Variants in HGSNAT observed in about 807,000 individuals in gnomAD.
HGSNAT encodes the protein transmembrane protein 76.
In HGSNAT, 59 loss-of-function variants were observed where a neutral mutation model predicts 85.2. The ratio of observed to expected loss-of-function variants is 0.69; its 90% CI spans 0.56 to 0.86. The LOEUF is 0.86. Ranked by LOEUF, HGSNAT falls within the 40% of genes least tolerant of loss-of-function variation. The pLI is 0.00. For missense variants in HGSNAT, 756 were observed against 777.1 expected (o/e 0.97, Z 0.32); for synonymous variants, 321 against 304.5 (o/e 1.05, Z -0.56).
chr8:43,196,640 G>A, intron 14 of HGSNAT: 2 of 802,768 alleles, frequency 2.5e-6, no homozygotes, highest in Non-Finnish European at 3.8e-6. Context: ...CTCTGTGCCT[G>A]CTGCCCCATT....
intron 11 of HGSNAT, among the ~76,000 whole-genome samples, chr8:43,184,173 A>G (rs577040906): frequency 1.3e-5 from 2 of 152,204 alleles, no homozygotes; most frequent in African/African-American, 4.8e-5. Context: ...GCTGGGTCCA[A>G]TGGTATTTCT....
chr8:43,158,995 A>C lies in HGSNAT; in HGVS notation c.444A>C (p.Glu148Asp), dbSNP rs1399122628. 1 of 1,613,710 alleles carries C rather than the reference A, an allele frequency of 6.2e-7. No individual in the cohort carries two copies. The highest frequency in any genetic ancestry group is 1.3e-5 in the African/African-American group (1 of 75,028). Residue 148 changes from glutamate to aspartate, a missense_variant, in exon 4 of 18, where the codon GAA becomes GAC. Glu to Asp is a conservative substitution (Grantham distance 45). Transcript: ENST00000379644. ...AGAACATCCATAATGGAGTTAGTGA[A>C]ATTGCCTGTGACCTGGCTGTGAACG... ...LVKNIHNGVS[E>D]IACDLAVNED...
chr8:43,185,156 T>G (rs1586743519), intron 11 of HGSNAT, among the ~76,000 whole-genome samples: 1 of 152,240 alleles, frequency 6.6e-6, no homozygotes, highest in Non-Finnish European at 1.5e-5. Context: ...TAAAGTAGTT[T>G]TTTCCAATTC....
intron 14 of HGSNAT, among the ~76,000 whole-genome samples, chr8:43,194,827 T>C (rs1804653841): frequency 6.6e-6 from 1 of 152,220 alleles, no homozygotes; most frequent in Non-Finnish European, 1.5e-5. Context: ...TTGCCTCTTC[T>C]ACCATGTGAG....
At chr8:43,146,298 A>G (rs970099818) in intron 1 of HGSNAT, among the ~76,000 whole-genome samples, 2 of 152,190 alleles carry the variant, frequency 1.3e-5, no homozygotes, top group African/African-American at 2.4e-5. Flanking sequence ...AGTGATAGAA[A>G]GCAGCACTTC....
intron 12 of HGSNAT, 83 bp from the exon 13 acceptor site, chr8:43,192,221 C>G (rs1804558316): frequency 1.4e-6 from 2 of 1,476,712 alleles, no homozygotes; most frequent in Non-Finnish European, 1.8e-6. Context: ...AGCCACCGTG[C>G]CCGGCCTGAG....
chr8:43,182,269 C>T lies in HGSNAT; in HGVS notation c.1128+9C>T. The T allele has an allele frequency of 6.2e-7, 1 of 1,602,434 alleles. No individual in the cohort carries two copies. Among genetic ancestry groups the T allele is most frequent in the East Asian group, 2.2e-5 (1 of 44,788 alleles). On this transcript the variant is annotated intron_variant, in intron 11 of 17. Coordinates refer to ENST00000379644, the MANE Select transcript of HGSNAT (RefSeq NM_152419.3). ...CTGAACATTGTGCCTCGGTGAGAAA[C>T]CATGTTTTAATTAAGAAAAACTTTT...
chr8:43,161,393 T>C lies in HGSNAT; in HGVS notation c.494-45T>C, dbSNP rs371004825. Reference sequence around the variant, plus strand: ...AATGATGTGATGTCTTTGATGTTCATGATGACATTTTTGGGGGCTAATGTG... The same window carrying C: ...AATGATGTGATGTCTTTGATGTTCACGATGACATTTTTGGGGGCTAATGTG... On this transcript the variant is annotated intron_variant, in intron 4 of 17. Transcript: ENST00000379644. The C allele has an allele frequency of 2.0e-6, 3 of 1,470,620 alleles. No individual in the cohort carries two copies. The African/African-American group carries it at 4.2e-5, about 20-fold the overall frequency. The allele number at this position is 1,470,620 out of a possible 1,614,324, so 91.1% of individuals were successfully genotyped here. A position where few individuals can be genotyped will look rare whatever the true frequency, so the allele number is the denominator to read the frequency against.
intron 9 of HGSNAT, among the ~76,000 whole-genome samples, chr8:43,177,470 A>G (rs1443681033): frequency 6.6e-6 from 1 of 151,356 alleles, no homozygotes; most frequent in Non-Finnish European, 1.5e-5. Context: ...AGGTGGGAGA[A>G]TGGCGTGAAC....
chr8:43,188,567 C>A (rs1273651844), intron 11 of HGSNAT, among the ~76,000 whole-genome samples: 1 of 152,142 alleles, frequency 6.6e-6, no homozygotes, highest in Non-Finnish European at 1.5e-5. Context: ...AGGTTTTTAG[C>A]TTCTTTGAGA....
At chr8:43,143,072 T>C (rs1234799867) in intron 1 of HGSNAT, among the ~76,000 whole-genome samples, 2 of 151,846 alleles carry the variant, frequency 1.3e-5, no homozygotes, top group Non-Finnish European at 2.9e-5. Flanking sequence ...AGAAGGGAAA[T>C]GAAAAAGAAC....
At chr8:43,192,271 C>T (rs1423988609) in intron 12 of HGSNAT, 33 bp from the exon 13 acceptor site, 1 of 1,588,104 alleles carries the variant, frequency 6.3e-7, no homozygotes, top group Non-Finnish European at 8.6e-7. Context: ...CTTATGAGGT[C>T]TTGTCATTTA....
chr8:43,199,333 T>G, intron 17 of HGSNAT, 55 bp from the exon 18 acceptor site: 2 of 1,248,208 alleles, frequency 1.6e-6, no homozygotes, highest in Non-Finnish European at 2.3e-6. Flanking sequence ...AAATAGATGG[T>G]TAGATGTGAC....
At chr8:43,153,606 A>G (rs1802990720) in intron 2 of HGSNAT, among the ~76,000 whole-genome samples, 1 of 152,114 alleles carries the variant, frequency 6.6e-6, no homozygotes, top group African/African-American at 2.4e-5. Flanking sequence ...CTATTTTGCA[A>G]TATACATTAC....
chr8:43,149,679 A>T (rs1455978869), intron 2 of HGSNAT, among the ~76,000 whole-genome samples: 1 of 151,966 alleles, frequency 6.6e-6, no homozygotes, highest in Non-Finnish European at 1.5e-5. Context: ...CAGCCTGGGC[A>T]ACAGAGCAAG....
In HGSNAT at chr8:43,161,450, C is replaced by T. The variant is rs764828903; in HGVS notation, c.506C>T (p.Ala169Val). 1 of 1,612,774 alleles carries T rather than the reference C, an allele frequency of 6.2e-7. No individual in the cohort carries two copies. The change falls in exon 5 of 18, where the codon GCA becomes GTA. Residue 169 changes from alanine to valine, a missense_variant. Ala to Val is a moderately conservative substitution (Grantham distance 64, BLOSUM62 0). Coordinates refer to ENST00000379644, the MANE Select transcript of HGSNAT (RefSeq NM_152419.3). ...TCTCTTTTTCTAGCTGTGAGCATTG[C>T]ATTCCTTATTGGTCTTGCTGTCATC... ...PVDSNLPVSI[A>V]FLIGLAVIIV...
chr8:43,165,852 C>T (rs192099282), intron 5 of HGSNAT, among the ~76,000 whole-genome samples: 187 of 152,314 alleles, frequency 1.2e-3, no homozygotes, highest in African/African-American at 4.4e-3. Flanking sequence ...AGGAGAATTG[C>T]TTGAACCCGG....
intron 12 of HGSNAT, among the ~76,000 whole-genome samples, chr8:43,192,072 G>A (rs557068701): frequency 6.6e-6 from 1 of 152,210 alleles, no homozygotes; most frequent in Non-Finnish European, 1.5e-5. Context: ...GGGATTACAG[G>A]CGCACACCAC....
chr8:43,143,838 G>T (rs1279875138), intron 1 of HGSNAT, among the ~76,000 whole-genome samples: 2 of 151,762 alleles, frequency 1.3e-5, no homozygotes, highest in Non-Finnish European at 2.9e-5. Flanking sequence ...GAGCCACCGT[G>T]CCTGGCCCAC....
Sources: allele counts gnomAD v4.1 joint callset (sites outside exome capture counted in the v4.1 genomes callset), GRCh38; gene constraint gnomAD v4.1.1; transcripts MANE v1.5; gene names NCBI Gene and HGNC (gene_info 2026-07-23, HGNC 2026-07-21).